The following SMS variants were observed in gnomAD, a reference collection of about 807,000 sequenced individuals.
SMS encodes the protein spermine synthase.
In SMS, 3 loss-of-function variants were observed where a neutral mutation model predicts 33.0. That is an observed-to-expected ratio of 0.09 (90% CI 0.04 to 0.23). The LOEUF is 0.23. Ranked by LOEUF, SMS falls within the 10% of genes least tolerant of loss-of-function variation. The pLI is 1.00. For synonymous variants in SMS, 103 were observed against 112.2 expected, an observed-to-expected ratio of 0.92 and a Z score of 0.52; for missense variants, 117 against 288.6, an observed-to-expected ratio of 0.41 and a Z score of 4.31.
chrX:21,942,811 G>A (rs1013004000), intron 1 of SMS, among the ~76,000 whole-genome samples: 2 of 103,887 alleles, frequency 1.9e-5, no homozygotes, highest in Non-Finnish European at 3.9e-5. Context: ...TGTATTTATC[G>A]TCCATGGATT....
At chrX:21,941,699 A>G (rs1921790598) in intron 1 of SMS, among the ~76,000 whole-genome samples, 1 of 107,752 alleles carries the variant, frequency 9.3e-6, no homozygotes, top group Non-Finnish European at 1.9e-5. Context: ...AGCCTAGCCA[A>G]CATGGTGAAA....
chrX:21,976,118 T>G (rs1287937117), intron 4 of SMS, among the ~76,000 whole-genome samples: 1 of 110,938 alleles, frequency 9.0e-6, no homozygotes, highest in Non-Finnish European at 1.9e-5. Context: ...ACATTCATCC[T>G]GTGAAAAATA....
intron 2 of SMS, among the ~76,000 whole-genome samples, chrX:21,971,467 T>A (rs1349901186): frequency 1.8e-5 from 2 of 111,742 alleles, no homozygotes; most frequent in African/African-American, 6.5e-5. Flanking sequence ...CTAAATTAAT[T>A]TACCTACCAC....
At chrX:21,972,382 G>T in intron 3 of SMS, 125 bp from the exon 4 acceptor site, 1 of 522,485 alleles carries the variant, frequency 1.9e-6, no homozygotes. Flanking sequence ...GGCTGCTAGA[G>T]GGTAGGAGGA....
intron 10 of SMS, 48 bp from the exon 11 acceptor site, chrX:21,994,264 C>A (rs1159778136): frequency 3.6e-6 from 4 of 1,117,791 alleles, no homozygotes; most frequent in East Asian, 3.0e-5. Context: ...CAAGTGATGT[C>A]TTTTCTTCCT....
chrX:21,944,259 C>G (rs1043247067), intron 1 of SMS, among the ~76,000 whole-genome samples: 1 of 111,049 alleles, frequency 9.0e-6, no homozygotes, highest in African/African-American at 3.3e-5. Context: ...CTCTTGAGCC[C>G]GAAAAACATT....
chrX:21,981,871 C>CAAGTCAGACTAG (rs754938200), intron 7 of SMS, among the ~76,000 whole-genome samples: 7,638 of 110,831 alleles, frequency 0.069, 284 homozygotes, highest in Non-Finnish European at 0.11. Context: ...TTGTCATTAC[C>CAAGTCAGACTAG]AAGCCAAAAG....
At position 21,978,802 on chromosome X, in the gene SMS, C is replaced by T. The variant is rs1924710203; in HGVS notation, c.661-75C>T. 5.5e-6 allele frequency: 4 copies of T among 729,708 alleles called. No homozygotes were observed. In the Admixed American group the frequency reaches 6.6e-5, roughly 12 times the overall value. 60.1% of individuals were successfully genotyped at this position (729,708 alleles called of 1,213,427 possible). On this transcript the variant is annotated intron_variant, in intron 6 of 10. Transcript: ENST00000404933. The stretch of plus-strand genomic sequence containing the variant: ...TTAGTATTATAAAACCTTTGTTTGT[C>T]TTAATCCTTTCTTTAAAGTATTACT...
At chrX:21,948,395 G>A (rs1344640104) in intron 1 of SMS, among the ~76,000 whole-genome samples, 2 of 104,619 alleles carry the variant, frequency 1.9e-5, no homozygotes, top group African/African-American at 7.1e-5. Flanking sequence ...CTGAAGCCCC[G>A]CATGAGACAT....
chrX:21,947,908 GTTAA>G (rs1333127289), intron 1 of SMS, among the ~76,000 whole-genome samples: 1 of 110,414 alleles, frequency 9.1e-6, no homozygotes, highest in Non-Finnish European at 1.9e-5. Flanking sequence ...ATTCTCATGC[GTTAA>G]TTGTGTTTGA....
At chrX:21,951,736 C>CT (rs200014831) in intron 1 of SMS, among the ~76,000 whole-genome samples, 20,660 of 91,458 alleles carry the variant, frequency 0.23, 1,966 homozygotes, top group East Asian at 0.38. Flanking sequence ...GGTTTAGGGG[C>CT]TTTTTTTTTT....
chrX:21,985,466 T>C (rs1334832519), intron 9 of SMS, among the ~76,000 whole-genome samples: 4 of 111,456 alleles, frequency 3.6e-5, no homozygotes, highest in Non-Finnish European at 7.5e-5. Context: ...TGATTTTCTT[T>C]TTTCCCCTCC....
At chrX:21,981,377 G>A (rs73454868) in intron 7 of SMS, among the ~76,000 whole-genome samples, 1 of 111,175 alleles carries the variant, frequency 9.0e-6, no homozygotes, top group Non-Finnish European at 1.9e-5. Flanking sequence ...ATCCCAAGGA[G>A]GGGGGAGGGG....
At chrX:21,985,796 C>T (rs1925283161) in intron 9 of SMS, among the ~76,000 whole-genome samples, 1 of 111,112 alleles carries the variant, frequency 9.0e-6, no homozygotes, top group South Asian at 3.8e-4. Flanking sequence ...CAGGAAAATC[C>T]CCTCCGCCAT....
intron 9 of SMS, 144 bp downstream of exon 9, chrX:21,985,367 T>C (rs141682617): frequency 2.9e-4 from 125 of 438,472 alleles, no homozygotes; most frequent in African/African-American, 2.6e-3. Context: ...AGCTTCTACG[T>C]TGACCTGTTG....
chrX:21,973,798 T>TGGGAC (rs1236320585), intron 4 of SMS, among the ~76,000 whole-genome samples: 4 of 113,407 alleles, frequency 3.5e-5, no homozygotes, highest in Non-Finnish European at 7.5e-5. Context: ...GTCTGCCATG[T>TGGGAC]GGGACAGTAC....
intron 9 of SMS, among the ~76,000 whole-genome samples, chrX:21,986,169 T>C (rs1274946463): frequency 5.5e-5 from 6 of 108,910 alleles, no homozygotes; most frequent in African/African-American, 2.0e-4. Flanking sequence ...GCCAACATGG[T>C]GAAATCCCGT....
chrX:21,966,984 G>T (rs979778123), intron 1 of SMS, among the ~76,000 whole-genome samples: 10 of 111,416 alleles, frequency 9.0e-5, no homozygotes. Context: ...TCCTTGCAGG[G>T]TGGAGAATGT....
intron 1 of SMS, among the ~76,000 whole-genome samples, chrX:21,943,168 C>T (rs1463895959): frequency 9.2e-6 from 1 of 108,155 alleles, no homozygotes; most frequent in Non-Finnish European, 1.9e-5. Flanking sequence ...TTCTTTTATG[C>T]TTTAAGGAGG....
Sources: allele counts gnomAD v4.1 joint callset (sites outside exome capture counted in the v4.1 genomes callset), GRCh38; gene constraint gnomAD v4.1.1; transcripts MANE v1.5; gene names NCBI Gene and HGNC (gene_info 2026-07-23, HGNC 2026-07-21).